Variants in SIRPG observed in about 807,000 individuals in gnomAD.
The protein encoded by SIRPG is signal-regulatory protein gamma.
In SIRPG, 38 loss-of-function variants were observed where a neutral mutation model predicts 35.7. The ratio of observed to expected loss-of-function variants is 1.06; its 90% confidence interval spans 0.82 to 1.40. The LOEUF (loss-of-function observed/expected upper bound fraction) is 1.40, where lower values mean the gene tolerates loss of function less well. Ranked by LOEUF, SIRPG falls within the 40% of genes most tolerant of loss-of-function variation. The probability of loss-of-function intolerance (pLI) is 0.00; values close to 1 mark genes in which losing one functional copy is unlikely to be tolerated. For synonymous variants in SIRPG, 215 were observed against 190.4 expected, an observed-to-expected ratio of 1.13 and a Z score of -1.06; for missense variants, 519 against 483.0, an observed-to-expected ratio of 1.07 and a Z score of -0.70.
chr20:1,642,391 C>T (rs1338264009), intron 2 of SIRPG, among the ~76,000 whole-genome samples: 1 of 152,100 alleles, frequency 6.6e-6, no homozygotes, highest in African/African-American at 2.4e-5. Context: ...GGATCGCAAC[C>T]CCCACCTTCT....
intron 2 of SIRPG, among the ~76,000 whole-genome samples, chr20:1,643,167 C>T (rs975436538): frequency 2.0e-5 from 3 of 151,164 alleles, no homozygotes; most frequent in Non-Finnish European, 2.9e-5. Context: ...AGTGTGTTTT[C>T]CAATTTGGTT....
chr20:1,649,245 A>G lies in SIRPG; in HGVS notation c.237T>C (p.Asn79=). The part of the protein sequence containing the change: ...GVGPGRELIY[N]QKEGHFPRVT... ...CCCTGGGGAAGTGGCCTTCTTTTTGATTGTAGATTAATTCCCGGCCTGGTC... is the reference window on the plus strand; with the variant it reads ...CCCTGGGGAAGTGGCCTTCTTTTTGGTTGTAGATTAATTCCCGGCCTGGTC... Residue 79 remains asparagine (N), a synonymous_variant, in exon 2 of 6, where the codon AAT becomes AAC. Transcript: ENST00000303415. 1 of 1,613,912 alleles carries G rather than the reference A, an allele frequency of 6.2e-7. No homozygotes were observed. Among genetic ancestry groups the G allele is most frequent in the South Asian group, 1.1e-5 (1 of 91,064 alleles).
the SIRPG span, among the ~76,000 whole-genome samples, chr20:1,678,039 C>T: frequency 6.6e-6 from 1 of 152,108 alleles, no homozygotes; most frequent in East Asian, 1.9e-4. Context: ...ATGTGGTACA[C>T]CTTACATATA....
upstream of SIRPG, among the ~76,000 whole-genome samples, chr20:1,660,455 C>A (rs1009289729): frequency 1.3e-5 from 2 of 152,012 alleles, no homozygotes; most frequent in African/African-American, 2.4e-5. Context: ...AGGTGTGAGT[C>A]ATAAAGTATT....
intron 4 of SIRPG, among the ~76,000 whole-genome samples, chr20:1,635,045 A>G (rs2122431145): frequency 6.7e-6 from 1 of 148,280 alleles, no homozygotes; most frequent in African/African-American, 2.4e-5. Context: ...TCCGTCTCAA[A>G]AAAAAAAAAA....
At chr20:1,636,043 C>T in intron 3 of SIRPG, 145 bp downstream of exon 3, 1 of 1,174,744 alleles carries the variant, frequency 8.5e-7, no homozygotes, top group Non-Finnish European at 1.2e-6. Flanking sequence ...TAGTAAGTGA[C>T]CAGCACACCT....
intron 1 of SIRPG, among the ~76,000 whole-genome samples, chr20:1,656,776 G>A (rs1448641792): frequency 6.6e-6 from 1 of 152,160 alleles, no homozygotes. Context: ...TGGGCTGAAT[G>A]TGCCCCCAAA....
chr20:1,675,917 C>G, the SIRPG span, among the ~76,000 whole-genome samples: 1 of 152,102 alleles, frequency 6.6e-6, no homozygotes, highest in Non-Finnish European at 1.5e-5. Flanking sequence ...ACAAGTGGCT[C>G]CTCCTTCCTA....
intron 2 of SIRPG, among the ~76,000 whole-genome samples, chr20:1,644,043 G>T (rs2091877668): frequency 6.6e-6 from 1 of 152,210 alleles, no homozygotes; most frequent in Admixed American, 6.5e-5. Flanking sequence ...GTCTCTCTCA[G>T]TTGGGTGGCA....
intron 1 of SIRPG, among the ~76,000 whole-genome samples, chr20:1,653,131 A>G (rs910873702): frequency 2.0e-5 from 3 of 152,190 alleles, no homozygotes; most frequent in African/African-American, 7.2e-5. Context: ...TGCCCACTCC[A>G]CACCCAAGAG....
the SIRPG span, among the ~76,000 whole-genome samples, chr20:1,667,768 C>T: frequency 6.6e-6 from 1 of 152,212 alleles, no homozygotes; most frequent in Non-Finnish European, 1.5e-5. Flanking sequence ...CTTAAATCTC[C>T]ACCCAGGGAT....
intron 4 of SIRPG, among the ~76,000 whole-genome samples, chr20:1,632,322 C>T (rs17770284): frequency 0.021 from 3,205 of 152,222 alleles, 61 homozygotes; most frequent in Non-Finnish European, 0.033. Flanking sequence ...GCAAAATGAC[C>T]GTGAGTCAAA....
intron 1 of SIRPG, among the ~76,000 whole-genome samples, chr20:1,652,728 A>G (rs1034447848): frequency 6.6e-5 from 10 of 152,188 alleles, no homozygotes; most frequent in African/African-American, 2.4e-4. Flanking sequence ...ACCTACTCAT[A>G]CTTTATTTTT....
chr20:1,656,854 A>C (rs974651742), intron 1 of SIRPG, among the ~76,000 whole-genome samples: 1 of 152,122 alleles, frequency 6.6e-6, no homozygotes, highest in East Asian at 1.9e-4. Context: ...AAGGTCTTTA[A>C]CCCATTTATG....
At chr20:1,663,049 C>CA in the SIRPG span, among the ~76,000 whole-genome samples, 1 of 151,944 alleles carries the variant, frequency 6.6e-6, no homozygotes, top group Non-Finnish European at 1.5e-5. Context: ...CGCGGTAGCT[C>CA]ACGCCTGTAA....
rs554765111 is a variant in SIRPG at position 1,631,138 on chromosome 20, C to T, written c.1082-832G>A. 6.6e-5 allele frequency among the ~76,000 whole-genome samples: 10 copies of T among 152,154 alleles called. 1 individual carries two copies. In the East Asian group the frequency reaches 1.2e-3, roughly 18 times the overall value. On this transcript the variant is annotated intron_variant, in intron 4 of 5. Coordinates refer to ENST00000303415, the MANE Select transcript of SIRPG (RefSeq NM_018556.4). ...GCTTTTAAAATCAACATTTTTAACG[C>T]GAGCAGTTTGGGCCATTAAAGATAT...
chr20:1,672,659 C>T, the SIRPG span, among the ~76,000 whole-genome samples: 2 of 152,220 alleles, frequency 1.3e-5, no homozygotes, highest in Admixed American at 6.5e-5. Flanking sequence ...CTCTATTCAG[C>T]ACTTCTCTGA....
At chr20:1,634,748 T>C (rs1444566909) in intron 4 of SIRPG, among the ~76,000 whole-genome samples, 1 of 151,928 alleles carries the variant, frequency 6.6e-6, no homozygotes, top group Non-Finnish European at 1.5e-5. Flanking sequence ...GCTCCTTAAA[T>C]ATATATTTAT....
At chr20:1,663,479 G>C in the SIRPG span, among the ~76,000 whole-genome samples, 3 of 152,202 alleles carry the variant, frequency 2.0e-5, no homozygotes, top group Admixed American at 2.0e-4. Flanking sequence ...GAGCAGGCTT[G>C]GGCTGGTTCA....
Sources: gnomAD v4.1 joint callset for allele counts (sites outside exome capture counted in the v4.1 genomes callset) on GRCh38, gnomAD v4.1.1 for gene constraint, MANE v1.5 for transcripts, NCBI Gene and HGNC (gene_info 2026-07-23, HGNC 2026-07-21) for gene names.